The following DNAJC17 variants were observed in gnomAD, a reference collection of about 807,000 sequenced individuals.
DNAJC17 encodes dnaJ homolog subfamily C member 17.
Under a neutral mutation model 48.1 loss-of-function variants are expected in DNAJC17, and 35 were observed. The observed-to-expected ratio is 0.73, with a 90% CI of 0.56 to 0.96. DNAJC17 has a LOEUF of 0.96. Among genes scored for constraint, DNAJC17 ranks in the 50% least tolerant of loss-of-function variants. The probability of loss-of-function intolerance (pLI) is 0.00; values close to 1 mark genes in which losing one functional copy is unlikely to be tolerated. For synonymous variants in DNAJC17, 117 were observed against 142.7 expected (o/e 0.82, Z 1.28); for missense variants, 355 against 377.1 (o/e 0.94, Z 0.48).
chr15:40,782,981 C>A (rs1250898281), intron 1 of DNAJC17, among the ~76,000 whole-genome samples: 1 of 152,192 alleles, frequency 6.6e-6, no homozygotes, highest in African/African-American at 2.4e-5. Context: ...TGCCTGCTCA[C>A]CTCCCACCCT....
chr15:40,778,346 C>T (rs561001208), intron 4 of DNAJC17, among the ~76,000 whole-genome samples: 3 of 152,190 alleles, frequency 2.0e-5, no homozygotes, highest in South Asian at 2.1e-4. Flanking sequence ...CTCTGCCTCC[C>T]GGGTTCAAGC....
intron 1 of DNAJC17, among the ~76,000 whole-genome samples, chr15:40,782,678 T>C (rs534974496): frequency 1.1e-4 from 16 of 152,116 alleles, no homozygotes; most frequent in African/African-American, 2.7e-4. Context: ...CAAGAAACGC[T>C]TCTACACCCA....
chr15:40,799,214 G>C (rs1890014954), intron 1 of DNAJC17, among the ~76,000 whole-genome samples: 2 of 125,134 alleles, frequency 1.6e-5, no homozygotes, highest in East Asian at 4.7e-4. Flanking sequence ...GACAGAGCGA[G>C]ACTCCATCTC....
intron 1 of DNAJC17, among the ~76,000 whole-genome samples, chr15:40,798,361 T>A (rs569775543): frequency 2.8e-4 from 42 of 151,784 alleles, no homozygotes; most frequent in African/African-American, 1.0e-3. Flanking sequence ...GAACAGGGAG[T>A]CACTCTTTGT....
Position 40,767,774 on chromosome 15 carries a change from G to A in DNAJC17, c.*166C>T. ...TCACCCTGCGGAGCGTTTCCCTGGGGGTCTGCCCACTTCCTGGGAGGGGCG... is the reference window on the plus strand; with the variant it reads ...TCACCCTGCGGAGCGTTTCCCTGGGAGTCTGCCCACTTCCTGGGAGGGGCG... On this transcript the variant is annotated 3_prime_UTR_variant, in exon 11 of 11. Coordinates refer to ENST00000220496, the MANE Select transcript of DNAJC17 (RefSeq NM_018163.3). 3 of 981,436 alleles carry A rather than the reference G, an allele frequency of 3.1e-6. No homozygotes were observed. The highest frequency in any genetic ancestry group is 4.4e-6 in the Non-Finnish European group (3 of 688,818). 60.8% of individuals were successfully genotyped at this position (981,436 alleles called of 1,614,324 possible).
chr15:40,803,756 C>G (rs1025063415), intron 1 of DNAJC17, among the ~76,000 whole-genome samples: 6 of 145,502 alleles, frequency 4.1e-5, no homozygotes, highest in Admixed American at 2.0e-4. Flanking sequence ...TGAATCTTGC[C>G]CCCCCATTAA....
chr15:40,771,418 A>G, intron 10 of DNAJC17: 2 of 253,208 alleles, frequency 7.9e-6, no homozygotes, highest in Non-Finnish European at 1.7e-5. Flanking sequence ...GGGAGGACAC[A>G]GACTGAGCAG....
chr15:40,780,454 G>A (rs1889452267), intron 1 of DNAJC17: 1 of 407,556 alleles, frequency 2.5e-6, no homozygotes, highest in Admixed American at 2.8e-5. Flanking sequence ...AAATATACAA[G>A]GATGCTCTCT....
rs77497782 is a variant in DNAJC17, at chr15:40,777,892, C to A, written c.296-1265G>T. On this transcript the variant is annotated intron_variant, in intron 4 of 10. Coordinates refer to ENST00000220496, the MANE Select transcript of DNAJC17 (RefSeq NM_018163.3). ...ATTTACGAAAAATCATTGAAGTGTACACTTGAAATGGGTTGATGTTGTGAT... is the reference window on the plus strand; with the variant it reads ...ATTTACGAAAAATCATTGAAGTGTAAACTTGAAATGGGTTGATGTTGTGAT... 4.2e-3 allele frequency among the ~76,000 whole-genome samples: 645 copies of A among 152,046 alleles called. 7 individuals are homozygous for A. The highest frequency in any genetic ancestry group is 0.015 in the African/African-American group (626 of 41,460).
At chr15:40,779,626 C>A (rs190410298) in intron 2 of DNAJC17, 23 bp from the exon 3 acceptor site, 5 of 1,610,220 alleles carry the variant, frequency 3.1e-6, no homozygotes, top group Non-Finnish European at 4.2e-6. Flanking sequence ...ATCAAAAAGA[C>A]AGAAGAAAAA....
rs566616417 is a variant in DNAJC17, at chr15:40,778,544, C to T, written c.295+679G>A. Among the ~76,000 whole-genome samples, 7 of 150,860 alleles carry T rather than the reference C, an allele frequency of 4.6e-5. 1 individual carries two copies. The highest frequency in any genetic ancestry group is 4.6e-4 in the Admixed American group (7 of 15,278). Reference sequence around the variant, plus strand: ...GGGATTACAGGCGTGAGCCACCGCGCCCGGCCACAAGCACCAATTTTACTC... The same window carrying T: ...GGGATTACAGGCGTGAGCCACCGCGTCCGGCCACAAGCACCAATTTTACTC... On this transcript the variant is annotated intron_variant, in intron 4 of 10. Transcript: ENST00000220496.
At chr15:40,802,248 G>A (rs1890095492) in intron 1 of DNAJC17, among the ~76,000 whole-genome samples, 2 of 148,860 alleles carry the variant, frequency 1.3e-5, no homozygotes, top group Non-Finnish European at 3.0e-5. Flanking sequence ...TCAGCTCACT[G>A]CAACCTCCGC....
At chr15:40,776,076 G>T in intron 6 of DNAJC17, 120 bp downstream of exon 6, 3 of 856,092 alleles carry the variant, frequency 3.5e-6, no homozygotes, top group South Asian at 3.1e-5. Flanking sequence ...ACCATAGGGT[G>T]ACCCCAGGGT....
chr15:40,771,883 T>C (rs1889151571), intron 10 of DNAJC17: 1 of 167,046 alleles, frequency 6.0e-6, no homozygotes, highest in African/African-American at 2.4e-5. Flanking sequence ...AGGCAAATCC[T>C]TAGCAGAAAT....
chr15:40,791,832 C>T (rs779046822), intron 1 of DNAJC17, among the ~76,000 whole-genome samples: 35 of 152,040 alleles, frequency 2.3e-4, no homozygotes, highest in African/African-American at 7.2e-4. Context: ...GCAACAAGAG[C>T]GAAACTCCAT....
At position 40,770,782 on chromosome 15, in the gene DNAJC17, T is replaced by G. The variant is rs751507060; in HGVS notation, c.793-2720A>C. On this transcript the variant is annotated intron_variant, in intron 10 of 10. Coordinates refer to ENST00000220496, the MANE Select transcript of DNAJC17 (RefSeq NM_018163.3). The surrounding 1 kb of genome is among the most constrained non-coding windows in gnomAD (Gnocchi z 5.0). ...GAGAGCTCAAGCTGCCCCAACATCC[T>G]GGAGCCCCCACCTGCCTACACAGCA... 9 of 1,547,040 alleles carry G rather than the reference T, an allele frequency of 5.8e-6. No homozygotes were observed. The African/African-American group carries it at 1.2e-4, about 21-fold the overall frequency.
At chr15:40,796,955 C>T (rs1478891975) in intron 1 of DNAJC17, among the ~76,000 whole-genome samples, 1 of 151,982 alleles carries the variant, frequency 6.6e-6, no homozygotes, top group Non-Finnish European at 1.5e-5. Context: ...TTTGTAGAGA[C>T]AGGGTTTTGC....
At chr15:40,782,554 C>T (rs1889531865) in intron 1 of DNAJC17, among the ~76,000 whole-genome samples, 1 of 152,122 alleles carries the variant, frequency 6.6e-6, no homozygotes, top group Non-Finnish European at 1.5e-5. Flanking sequence ...AGAATCCGTC[C>T]TCTGCCTCCA....
chr15:40,804,140 TA>T (rs1890143882), intron 1 of DNAJC17, among the ~76,000 whole-genome samples: 1 of 144,804 alleles, frequency 6.9e-6, no homozygotes. Flanking sequence ...CTTTTTTTTT[TA>T]TATATAGAGA....
Sources: gnomAD v4.1 joint callset for allele counts (sites outside exome capture counted in the v4.1 genomes callset) on GRCh38, gnomAD v4.1.1 for gene constraint, Gnocchi (gnomAD v3.1) non-coding constraint, MANE v1.5 for transcripts, NCBI Gene and HGNC (gene_info 2026-07-23, HGNC 2026-07-21) for gene names.